Variants in ADGRA3 observed in about 807,000 individuals in gnomAD.
ADGRA3 encodes the protein G-protein coupled receptor 125.
In ADGRA3, 56 loss-of-function variants were observed where a neutral mutation model predicts 119.8. The observed-to-expected ratio is 0.47, with a 90% confidence interval of 0.38 to 0.58. The LOEUF (loss-of-function observed/expected upper bound fraction) is 0.58. Among genes scored for constraint, ADGRA3 ranks in the 20% least tolerant of loss-of-function variants. The pLI is 0.00. For missense variants in ADGRA3, 1,516 were observed against 1,649.0 expected, an observed-to-expected ratio of 0.92 and a Z score of 1.40; for synonymous variants, 607 against 623.8, an observed-to-expected ratio of 0.97 and a Z score of 0.40.
intron 1 of ADGRA3, among the ~76,000 whole-genome samples, chr4:22,486,767 A>G (rs1207009009): frequency 6.6e-6 from 1 of 152,208 alleles, no homozygotes; most frequent in Non-Finnish European, 1.5e-5. Context: ...ACAAAATACT[A>G]GAATTTGAAT....
intron 4 of ADGRA3, among the ~76,000 whole-genome samples, chr4:22,450,936 G>GA (rs59216994): frequency 1.7e-4 from 21 of 126,074 alleles, no homozygotes; most frequent in South Asian, 7.7e-4. Context: ...GGATATAACA[G>GA]AAAAAAAAAA....
chr4:22,509,989 G>A (rs112560468), intron 1 of ADGRA3, among the ~76,000 whole-genome samples: 4,745 of 124,338 alleles, frequency 0.038, 278 homozygotes, highest in African/African-American at 0.14. Context: ...CAGCCTGGGC[G>A]ACAGAGCGAG....
At chr4:22,429,627 G>C (rs775310219) in intron 10 of ADGRA3, among the ~76,000 whole-genome samples, 8 of 151,824 alleles carry the variant, frequency 5.3e-5, no homozygotes, top group Non-Finnish European at 1.0e-4. Flanking sequence ...GTTTTGACCT[G>C]GGCAAGAGGT....
chr4:22,437,436 AC>A (rs1716439385), intron 8 of ADGRA3, among the ~76,000 whole-genome samples: 1 of 152,202 alleles, frequency 6.6e-6, no homozygotes, highest in Non-Finnish European at 1.5e-5. Flanking sequence ...CCCATTAGAG[AC>A]AATGCAAACT....
intron 2 of ADGRA3, among the ~76,000 whole-genome samples, chr4:22,468,437 A>G (rs1244234957): frequency 6.6e-6 from 1 of 152,176 alleles, no homozygotes; most frequent in African/African-American, 2.4e-5. Flanking sequence ...AACAAAATAT[A>G]TAGCACAATA....
chr4:22,493,311 G>A (rs1718696594), intron 1 of ADGRA3, among the ~76,000 whole-genome samples: 1 of 152,020 alleles, frequency 6.6e-6, no homozygotes, highest in South Asian at 2.1e-4. Context: ...CTAACACTCA[G>A]GCAATAATTA....
At chr4:22,400,553 G>C (rs1325211394) in intron 16 of ADGRA3, among the ~76,000 whole-genome samples, 1 of 152,100 alleles carries the variant, frequency 6.6e-6, no homozygotes, top group African/African-American at 2.4e-5. Context: ...AAGAAAAAAG[G>C]GGTCGTTGTT....
In ADGRA3 at chr4:22,480,034, T is replaced by C. The variant is rs201022367; in HGVS notation, c.258-6191A>G. Among the ~76,000 whole-genome samples, 21 of 152,170 alleles carry C rather than the reference T, an allele frequency of 1.4e-4. No individual in the cohort carries two copies. The East Asian group carries it at 3.1e-3, about 22-fold the overall frequency. On this transcript the variant is annotated intron_variant, in intron 1 of 18. Coordinates refer to ENST00000334304, the MANE Select transcript of ADGRA3 (RefSeq NM_145290.4). ...AGAGGAGGGAGAGCATTAGGAGAAATACCTACTGTAGATGACGGGTTGATG... is the reference window on the plus strand; with the variant it reads ...AGAGGAGGGAGAGCATTAGGAGAAACACCTACTGTAGATGACGGGTTGATG...
At position 22,436,572 on chromosome 4, in the gene ADGRA3, T is replaced by C; in HGVS notation, c.1155A>G (p.Ile385Met). 1.2e-6 allele frequency: 2 copies of C among 1,614,108 alleles called. No homozygotes were observed. Among genetic ancestry groups the C allele is most frequent in the Non-Finnish European group, 1.7e-6 (2 of 1,179,988 alleles). Residue 385 changes from isoleucine (I) to methionine (M), a missense_variant, in exon 9 of 19, where the codon ATA (isoleucine) becomes ATG (methionine). Transcript: ENST00000334304. ...QCTRNTHGSG[I>M]YPGNPQDERK... The stretch of plus-strand genomic sequence containing the variant: ...TCTCATCCTGTGGGTTTCCGGGATA[T>C]ATCCCACTGCCATGGGTGTTCCGCG...
In ADGRA3 at chr4:22,387,936, T is replaced by G. The variant is rs1713911283; in HGVS notation, c.3735A>C (p.Thr1245=). The change falls in exon 19 of 19, where the codon ACA becomes ACC. Residue 1245 remains threonine, a synonymous_variant. Transcript: ENST00000334304. The part of the protein sequence containing the change: ...PQQDSSDACS[T]LPKSSRNFEK... ...CAAAATTTCTGCTACTTTTGGGAAG[T>G]GTGCTACAAGCATCGCTGCTGTCTT... 6.2e-7 allele frequency: 1 copy of G among 1,614,160 alleles called. No individual in the cohort carries two copies. The highest frequency in any genetic ancestry group is 1.3e-5 in the African/African-American group (1 of 75,044).
intron 1 of ADGRA3, among the ~76,000 whole-genome samples, chr4:22,500,971 T>C (rs905983888): frequency 5.3e-5 from 8 of 152,130 alleles, no homozygotes; most frequent in Non-Finnish European, 1.0e-4. Flanking sequence ...CTCCTGCCCC[T>C]AGACATCCGG....
chr4:22,452,060 A>C (rs1334235733), intron 4 of ADGRA3, among the ~76,000 whole-genome samples: 2 of 152,192 alleles, frequency 1.3e-5, no homozygotes, highest in Non-Finnish European at 2.9e-5. Flanking sequence ...ACAGCTCTAG[A>C]CCTGTGCCAA....
intron 10 of ADGRA3, among the ~76,000 whole-genome samples, chr4:22,429,664 T>C (rs1264518541): frequency 6.6e-6 from 1 of 152,092 alleles, no homozygotes; most frequent in Admixed American, 6.5e-5. Flanking sequence ...AAAAAAATTA[T>C]TCTCTGACAA....
intron 10 of ADGRA3, 126 bp downstream of exon 10, chr4:22,435,185 A>C: frequency 1.2e-6 from 1 of 826,116 alleles, no homozygotes; most frequent in Non-Finnish European, 1.9e-6. Flanking sequence ...AAATTCTGGA[A>C]ATTTAAAAGC....
intron 1 of ADGRA3, among the ~76,000 whole-genome samples, chr4:22,480,369 T>A (rs1718224196): frequency 6.6e-6 from 1 of 152,080 alleles, no homozygotes; most frequent in Non-Finnish European, 1.5e-5. Context: ...CACTCAATAT[T>A]TTGCTATAAA....
chr4:22,406,644 A>T (rs1191485061), intron 14 of ADGRA3, among the ~76,000 whole-genome samples: 1 of 152,046 alleles, frequency 6.6e-6, no homozygotes, highest in Non-Finnish European at 1.5e-5. Context: ...CCATTTCTTA[A>T]ATCAAAAATT....
intron 1 of ADGRA3, among the ~76,000 whole-genome samples, chr4:22,484,605 C>CAAA (rs200272320): frequency 1.9e-4 from 19 of 98,884 alleles, no homozygotes; most frequent in African/African-American, 7.3e-4. Context: ...ACCCTGTTTC[C>CAAA]AAAAAAAAAA....
intron 16 of ADGRA3, chr4:22,397,994 C>A (rs1488938717): frequency 5.1e-6 from 4 of 777,210 alleles, no homozygotes; most frequent in Admixed American, 6.3e-5. Context: ...GTGAGACCTG[C>A]AAGGTAAGTG....
At chr4:22,458,662 GT>G (rs1436253503) in intron 3 of ADGRA3, among the ~76,000 whole-genome samples, 2 of 152,058 alleles carry the variant, frequency 1.3e-5, no homozygotes, top group Non-Finnish European at 2.9e-5. Context: ...CTGGTTGATA[GT>G]CCTTTTACTG....
Sources: gnomAD v4.1 joint callset for allele counts (sites outside exome capture counted in the v4.1 genomes callset) on GRCh38, gnomAD v4.1.1 for gene constraint, MANE v1.5 for transcripts, NCBI Gene and HGNC (gene_info 2026-07-23, HGNC 2026-07-21) for gene names.